ILKAP: variants seen among roughly 807,000 people sequenced by gnomAD.
ILKAP encodes the protein integrin-linked kinase-associated serine/threonine phosphatase 2C.
A neutral mutation model predicts 49.1 loss-of-function variants in ILKAP; 11 were observed. The ratio of observed to expected loss-of-function variants is 0.22; its 90% CI spans 0.14 to 0.37. The LOEUF (loss-of-function observed/expected upper bound fraction) is 0.37. ILKAP is among the 10% of genes least tolerant of loss of function. The pLI, the probability that ILKAP is intolerant of heterozygous loss-of-function variation, is 1.00. For synonymous variants in ILKAP, 186 were observed against 192.8 expected (o/e 0.96, Z 0.29); for missense variants, 363 against 510.8 (o/e 0.71, Z 2.79).
At chr2:238,193,552 T>C (rs1194448850) in intron 3 of ILKAP, among the ~76,000 whole-genome samples, 1 of 152,172 alleles carries the variant, frequency 6.6e-6, no homozygotes, top group African/African-American at 2.4e-5. Context: ...CAACTAAGGG[T>C]ACTATCTTTA....
chr2:238,180,656 G>T (rs1006605180), intron 9 of ILKAP, among the ~76,000 whole-genome samples: 5 of 152,236 alleles, frequency 3.3e-5, no homozygotes, highest in Non-Finnish European at 5.9e-5. Flanking sequence ...CACGCTGCTG[G>T]TCTCTTAGCC....
At position 238,191,198 on chromosome 2, in the gene ILKAP, G is replaced by A. The variant is rs141715547; in HGVS notation, c.179-1226C>T. The stretch of plus-strand genomic sequence containing the variant: ...GGAGTCTACTCTGTCGCCCAGGCTC[G>A]AGTGCAGTGACGCAACGTCAGCTCA... On this transcript the variant is annotated intron_variant, in intron 3 of 11. Coordinates refer to ENST00000254654, the MANE Select transcript of ILKAP (RefSeq NM_030768.3). Among the ~76,000 whole-genome samples, 24 of 150,662 alleles carry A rather than the reference G, an allele frequency of 1.6e-4. No individual in the cohort carries two copies. The East Asian group carries it at 3.7e-3, about 23-fold the overall frequency.
At chr2:238,191,854 G>C (rs1253994080) in intron 3 of ILKAP, among the ~76,000 whole-genome samples, 1 of 150,734 alleles carries the variant, frequency 6.6e-6, no homozygotes, top group Non-Finnish European at 1.5e-5. Context: ...GCAGTGAGCT[G>C]AGATCTCGCC....
At chr2:238,192,720 AG>A (rs2106338888) in intron 3 of ILKAP, among the ~76,000 whole-genome samples, 2 of 149,542 alleles carry the variant, frequency 1.3e-5, no homozygotes, top group East Asian at 4.0e-4. Flanking sequence ...AAAAAAAAAA[AG>A]AATGTGTTAT....
chr2:238,177,426 A>C (rs1039177805), intron 9 of ILKAP, among the ~76,000 whole-genome samples: 1 of 152,152 alleles, frequency 6.6e-6, no homozygotes. Context: ...CATCCCCAGG[A>C]CTTTTTCTAC....
At chr2:238,189,119 G>T (rs1694019280) in intron 4 of ILKAP, among the ~76,000 whole-genome samples, 1 of 152,022 alleles carries the variant, frequency 6.6e-6, no homozygotes, top group African/African-American at 2.4e-5. Context: ...GAGATCGAGA[G>T]CATCCTGGCT....
At chr2:238,202,133 G>A (rs1009611208) in intron 1 of ILKAP, among the ~76,000 whole-genome samples, 1 of 152,200 alleles carries the variant, frequency 6.6e-6, no homozygotes, top group East Asian at 1.9e-4. Flanking sequence ...GCCTAGGCAG[G>A]AGAATTGTTT....
intron 11 of ILKAP, 89 bp from the exon 12 acceptor site, chr2:238,170,765 C>CT (rs781741297): frequency 3.2e-5 from 51 of 1,592,394 alleles, no homozygotes; most frequent in Non-Finnish European, 4.1e-5. Context: ...AAGAGCTGCT[C>CT]TGGTCTCCAT....
chr2:238,193,665 G>A (rs1038159595), intron 3 of ILKAP, among the ~76,000 whole-genome samples: 4 of 152,142 alleles, frequency 2.6e-5, no homozygotes, highest in African/African-American at 9.7e-5. Context: ...GATGACTGGA[G>A]TACTTTTCCT....
chr2:238,190,877 TAAAAAAAAAAAAAAAAA>T (rs57511265), intron 3 of ILKAP, among the ~76,000 whole-genome samples: 3 of 95,130 alleles, frequency 3.2e-5, no homozygotes, highest in African/African-American at 4.3e-5. Flanking sequence ...CGTTTCTCTT[TAAAAAAAAAAAAAAAAA>T]AAAAAAAAAA....
At chr2:238,186,289 G>A (rs1049906745) in intron 5 of ILKAP, 1 of 152,198 alleles carries the variant, frequency 6.6e-6, no homozygotes, top group African/African-American at 2.4e-5. Context: ...CACACTGGTA[G>A]TATTTGTGTA....
At chr2:238,183,607 C>A in intron 8 of ILKAP, 46 bp downstream of exon 8, 1 of 1,339,528 alleles carries the variant, frequency 7.5e-7, no homozygotes, top group East Asian at 2.3e-5. Flanking sequence ...GTCTTTTCCC[C>A]ATAAAACGTA....
Position 238,189,834 on chromosome 2 carries a change from T to C in ILKAP, c.298+19A>G, listed in dbSNP as rs1360403959. 1 of 1,612,152 alleles carries C rather than the reference T, an allele frequency of 6.2e-7. No homozygotes were observed. The highest frequency in any genetic ancestry group is 8.5e-7 in the Non-Finnish European group (1 of 1,178,960). On this transcript the variant is annotated intron_variant, in intron 4 of 11. Coordinates refer to ENST00000254654, the MANE Select transcript of ILKAP (RefSeq NM_030768.3). ...AAAATATGAAGTCTAATACATTTGTTTTCAAATTGTCTGAAAACCTTTACA... is the reference window on the plus strand; with the variant it reads ...AAAATATGAAGTCTAATACATTTGTCTTCAAATTGTCTGAAAACCTTTACA...
At position 238,184,048 on chromosome 2, in the gene ILKAP, C is replaced by T. The variant is rs761708622; in HGVS notation, c.598G>A (p.Glu200Lys). The T allele has an allele frequency of 1.2e-6, 2 of 1,610,132 alleles. No homozygotes were observed. The highest frequency in any genetic ancestry group is 2.7e-5 in the African/African-American group (2 of 74,974). The part of the protein sequence containing the change: ...CLLDTFKHTD[E>K]EFLKQASSQK... ...CTGGAAGCTTGTTTAAGGAACTCTT[C>T]ATCAGTATGCTTGAAAGTGTCCAAA... Residue 200 changes from glutamate to lysine, a missense_variant, in exon 7 of 12, where the codon GAA becomes AAA. This residue lies in a region of ILKAP where 166 missense variants were observed against 307.3 expected (regional missense o/e 0.54). Coordinates refer to ENST00000254654, the MANE Select transcript of ILKAP (RefSeq NM_030768.3).
At chr2:238,203,372 G>A (rs1307850937) in intron 1 of ILKAP, 127 bp downstream of exon 1, 10 of 251,962 alleles carry the variant, frequency 4.0e-5, no homozygotes, top group Non-Finnish European at 6.0e-5. Context: ...GCAGGAGCAG[G>A]CCCCGTGCAG....
intron 4 of ILKAP, among the ~76,000 whole-genome samples, chr2:238,189,289 G>A (rs570377479): frequency 1.7e-4 from 26 of 151,648 alleles, no homozygotes; most frequent in South Asian, 8.4e-4. Context: ...CAGCCTGGGC[G>A]ACAGAGCGAG....
chr2:238,199,742 C>T (rs534364787), intron 1 of ILKAP, among the ~76,000 whole-genome samples: 1 of 151,438 alleles, frequency 6.6e-6, no homozygotes, highest in East Asian at 1.9e-4. Context: ...ATCTGTTTTC[C>T]TCTAATACCT....
At chr2:238,171,126 C>A in intron 10 of ILKAP, 102 bp from the exon 11 acceptor site, 4 of 751,560 alleles carry the variant, frequency 5.3e-6, no homozygotes, top group Non-Finnish European at 6.6e-6. Context: ...ATTTGTCCAA[C>A]TATTCAAAGG....
chr2:238,182,045 C>T lies in ILKAP; in HGVS notation c.836+20G>A. 2.5e-6 allele frequency: 4 copies of T among 1,612,214 alleles called. No individual in the cohort carries two copies. The highest frequency in any genetic ancestry group is 3.4e-6 in the Non-Finnish European group (4 of 1,178,722). ...CTAACAGCCCTCCTTCCCATGAGCTCCTCTCAGTCCCTTGGTTACCTGACG... is the reference window on the plus strand; with the variant it reads ...CTAACAGCCCTCCTTCCCATGAGCTTCTCTCAGTCCCTTGGTTACCTGACG... On this transcript the variant is annotated intron_variant, in intron 9 of 11. Transcript: ENST00000254654.
Sources: allele counts gnomAD v4.1 joint callset (sites outside exome capture counted in the v4.1 genomes callset), GRCh38; gene constraint gnomAD v4.1.1; regional missense constraint gnomAD v4.1.1; transcripts MANE v1.5; gene names NCBI Gene and HGNC (gene_info 2026-07-23, HGNC 2026-07-21).